Variants in MYH10 observed in about 807,000 individuals in gnomAD.
MYH10 encodes myosin-10.
A neutral mutation model predicts 257.8 loss-of-function variants in MYH10; 55 were observed. That is an observed-to-expected ratio of 0.21 (90% confidence interval 0.17 to 0.27). MYH10 has a LOEUF of 0.27. Among genes scored for constraint, MYH10 ranks in the 10% least tolerant of loss-of-function variants. The probability of loss-of-function intolerance (pLI) is 1.00; values close to 1 mark genes in which losing one functional copy is unlikely to be tolerated. For missense variants in MYH10, 1,631 were observed against 2,500.6 expected (o/e 0.65, Z 7.42); for synonymous variants, 854 against 921.7 (o/e 0.93, Z 1.33).
chr17:8,565,638 A>AG, intron 7 of MYH10, among the ~76,000 whole-genome samples: 1 of 152,360 alleles, frequency 6.6e-6, no homozygotes, highest in East Asian at 1.9e-4. Flanking sequence ...TCTACTAAAA[A>AG]CAAATCAGCT....
chr17:8,603,355 A>G (rs1046983934), intron 3 of MYH10, among the ~76,000 whole-genome samples: 6 of 152,156 alleles, frequency 3.9e-5, no homozygotes, highest in Non-Finnish European at 8.8e-5. Context: ...ATATACTCAC[A>G]TTGTTTTCAG....
At chr17:8,476,787 A>C (rs2151759217) in intron 42 of MYH10, 89 bp downstream of exon 42, 2 of 1,401,392 alleles carry the variant, frequency 1.4e-6, no homozygotes, top group African/African-American at 1.4e-5. Flanking sequence ...GTATGGATCT[A>C]AGTAAACTTC....
intron 36 of MYH10, among the ~76,000 whole-genome samples, chr17:8,485,895 T>G (rs932530277): frequency 1.1e-4 from 17 of 152,212 alleles, no homozygotes; most frequent in African/African-American, 4.1e-4. Context: ...GAGGCATTAT[T>G]CAGAAGTCAA....
intron 4 of MYH10, among the ~76,000 whole-genome samples, chr17:8,580,473 T>C (rs1485575584): frequency 1.3e-5 from 2 of 152,102 alleles, no homozygotes; most frequent in African/African-American, 2.4e-5. Context: ...TTTTTCTAAG[T>C]TCAAAACAAG....
chr17:8,561,900 GA>G (rs2083010446), intron 7 of MYH10, among the ~76,000 whole-genome samples: 1 of 152,164 alleles, frequency 6.6e-6, no homozygotes, highest in Non-Finnish European at 1.5e-5. Context: ...AGTGAAAGAA[GA>G]GATGCATGGA....
At chr17:8,527,375 T>C (rs1271109470) in intron 17 of MYH10, among the ~76,000 whole-genome samples, 3 of 152,236 alleles carry the variant, frequency 2.0e-5, no homozygotes, top group African/African-American at 7.2e-5. Context: ...TCTACCTTCC[T>C]ATCCCTTTCG....
chr17:8,607,338 T>C (rs1391014157), intron 2 of MYH10, among the ~76,000 whole-genome samples: 1 of 152,216 alleles, frequency 6.6e-6, no homozygotes, highest in Non-Finnish European at 1.5e-5. Context: ...AGATAATAAC[T>C]GACACATTTA....
intron 7 of MYH10, among the ~76,000 whole-genome samples, chr17:8,568,790 G>A (rs1475287850): frequency 6.6e-6 from 1 of 152,010 alleles, no homozygotes; most frequent in Non-Finnish European, 1.5e-5. Context: ...GTGAGCAGCT[G>A]GGGTGGAAAG....
chr17:8,572,793 C>CT (rs940584061), intron 6 of MYH10, among the ~76,000 whole-genome samples: 2 of 152,170 alleles, frequency 1.3e-5, no homozygotes, highest in African/African-American at 4.8e-5. Flanking sequence ...ATTGGTGAGA[C>CT]TGAGTAACGA....
rs2085530000 is a variant in MYH10, at chr17:8,623,119, T to C, written c.128A>G (p.His43Arg). 6.2e-7 allele frequency: 1 copy of C among 1,614,066 alleles called. No homozygotes were observed. Among genetic ancestry groups the C allele is most frequent in the Non-Finnish European group, 8.5e-7 (1 of 1,180,000 alleles). The change falls in exon 2 of 43, where the codon CAT becomes CGT. Residue 43 changes from histidine to arginine, a missense_variant. His to Arg is a conservative substitution (Grantham distance 29). Coordinates refer to ENST00000360416, the MANE Select transcript of MYH10 (RefSeq NM_001256012.3). Reference sequence around the variant, plus strand: ...TTTGATACTAGCTGCCTCAAAACCATGGCGTTCTGATGGAATCCACACTAG... The same window carrying C: ...TTTGATACTAGCTGCCTCAAAACCACGGCGTTCTGATGGAATCCACACTAG... ...KKLVWIPSER[H>R]GFEAASIKEE...
At chr17:8,585,782 C>G (rs1427839678) in intron 4 of MYH10, among the ~76,000 whole-genome samples, 2 of 151,950 alleles carry the variant, frequency 1.3e-5, no homozygotes, top group Non-Finnish European at 1.5e-5. Context: ...TATACAAGGA[C>G]TTAGGAAATG....
intron 37 of MYH10, among the ~76,000 whole-genome samples, chr17:8,483,036 A>G (rs1193737785): frequency 6.6e-6 from 1 of 152,242 alleles, no homozygotes; most frequent in Non-Finnish European, 1.5e-5. Context: ...TCTGACCACA[A>G]TGTGATAAAA....
In MYH10 at chr17:8,524,353, G is replaced by A. The variant is rs545340497; in HGVS notation, c.1958-3068C>T. Reference sequence around the variant, plus strand: ...TAGTTCCAGCTACTCGGAAGGCTGAGGCAGGAGAATTGCCTGAACTCAGGA... The same window carrying A: ...TAGTTCCAGCTACTCGGAAGGCTGAAGCAGGAGAATTGCCTGAACTCAGGA... On this transcript the variant is annotated intron_variant, in intron 17 of 42. Transcript: ENST00000360416. 4.6e-5 allele frequency among the ~76,000 whole-genome samples: 7 copies of A among 150,636 alleles called. No individual in the cohort carries two copies. In the South Asian group the frequency reaches 1.1e-3, roughly 23 times the overall value.
intron 17 of MYH10, among the ~76,000 whole-genome samples, chr17:8,529,176 A>T (rs893755107): frequency 5.9e-5 from 9 of 151,976 alleles, no homozygotes; most frequent in Non-Finnish European, 1.0e-4. Flanking sequence ...TCACAGTGGG[A>T]ATGGAAGGCG....
At chr17:8,540,300 C>G (rs1465353158) in intron 14 of MYH10, among the ~76,000 whole-genome samples, 1 of 152,082 alleles carries the variant, frequency 6.6e-6, no homozygotes, top group Non-Finnish European at 1.5e-5. Context: ...TGGCCTTCTA[C>G]CTCACCTATT....
intron 14 of MYH10, among the ~76,000 whole-genome samples, chr17:8,537,944 A>T (rs888884100): frequency 1.3e-5 from 2 of 152,202 alleles, no homozygotes; most frequent in African/African-American, 4.8e-5. Context: ...GTGAACTCAG[A>T]GGCTTGCCTG....
At chr17:8,571,826 C>T (rs552419733) in intron 6 of MYH10, among the ~76,000 whole-genome samples, 7 of 152,068 alleles carry the variant, frequency 4.6e-5, no homozygotes, top group Non-Finnish European at 5.9e-5. Flanking sequence ...TCCTCCACCC[C>T]CCCGGGGTCA....
intron 2 of MYH10, among the ~76,000 whole-genome samples, chr17:8,608,127 A>C (rs187500067): frequency 6.6e-6 from 1 of 152,370 alleles, no homozygotes; most frequent in Admixed American, 6.5e-5. Flanking sequence ...CAAGGGCCTA[A>C]AAAAACAAAC....
chr17:8,480,480 T>C lies in MYH10; in HGVS notation c.5310A>G (p.Ala1770=), dbSNP rs2151772857. 2 of 1,612,028 alleles carry C rather than the reference T, an allele frequency of 1.2e-6. No homozygotes were observed. The highest frequency in any genetic ancestry group is 8.5e-7 in the Non-Finnish European group (1 of 1,179,956). The part of the protein sequence containing the change: ...DEKRRLEARI[A]QLEEELEEEQ... ...CCTCTTCCAGCTCCTCCTCCAGCTG[T>C]GCGATCCGAGCTTCCAGACGCCGCT... Residue 1770 remains alanine, a synonymous_variant, in exon 39 of 43, where the codon GCA becomes GCG. Coordinates refer to ENST00000360416, the MANE Select transcript of MYH10 (RefSeq NM_001256012.3).
Sources: allele counts gnomAD v4.1 joint callset (sites outside exome capture counted in the v4.1 genomes callset), GRCh38; gene constraint gnomAD v4.1.1; transcripts MANE v1.5; gene names NCBI Gene and HGNC (gene_info 2026-07-23, HGNC 2026-07-21).